PAWR: variants seen among roughly 807,000 people sequenced by gnomAD.
PAWR encodes pro-apoptotic WT1 regulator.
PAWR carries 23 observed loss-of-function variants against 32.0 expected under a neutral mutation model. The observed-to-expected ratio is 0.72, with a 90% confidence interval of 0.52 to 1.02. PAWR has a LOEUF of 1.02. Among genes scored for constraint, PAWR ranks in the 50% least tolerant of loss-of-function variants. The probability of loss-of-function intolerance (pLI) is 0.00; values close to 1 mark genes in which losing one functional copy is unlikely to be tolerated. For synonymous variants in PAWR, 226 were observed against 187.1 expected, an observed-to-expected ratio of 1.21 and a Z score of -1.70; for missense variants, 457 against 437.7, an observed-to-expected ratio of 1.04 and a Z score of -0.39.
At position 79,596,538 on chromosome 12, in the gene PAWR, C is replaced by T; in HGVS notation, c.804G>A (p.Leu268=). Reference sequence around the variant, plus strand: ...TTTCAAGATCTTCAATTTTCTTTTCCAGTGTGCTACTTGAAACCAGAGTAC... The same window carrying T: ...TTTCAAGATCTTCAATTTTCTTTTCTAGTGTGCTACTTGAAACCAGAGTAC... ...VSGTLVSSST[L]EKKIEDLEKE... is the part of the protein sequence containing the mutation. Residue 268 remains leucine, a synonymous_variant, in exon 5 of 7, where the codon CTG becomes CTA. Transcript: ENST00000328827. The T allele has an allele frequency of 1.3e-6, 2 of 1,576,274 alleles. No homozygotes were observed. The highest frequency in any genetic ancestry group is 1.8e-5 in the Admixed American group (1 of 56,012).
intron 2 of PAWR, among the ~76,000 whole-genome samples, chr12:79,647,272 GTAAAGTTAAACTT>G (rs970607504): frequency 1.4e-4 from 21 of 151,934 alleles, no homozygotes; most frequent in African/African-American, 4.8e-4. Flanking sequence ...AAATTTGGTG[GTAAAGTTAAACTT>G]TAAAGTTAAA....
At chr12:79,639,428 A>G (rs1446424270) in intron 2 of PAWR, among the ~76,000 whole-genome samples, 2 of 152,168 alleles carry the variant, frequency 1.3e-5, no homozygotes, top group African/African-American at 4.8e-5. Context: ...AGTTATGGCT[A>G]GGTTTCCACA....
At chr12:79,611,358 A>C (rs1874434766) in intron 4 of PAWR, among the ~76,000 whole-genome samples, 1 of 149,244 alleles carries the variant, frequency 6.7e-6, no homozygotes, top group Non-Finnish European at 1.5e-5. Context: ...TATATATAAA[A>C]AATAAGTTAT....
At position 79,597,269 on chromosome 12, in the gene PAWR, TG is replaced by T. The variant is rs546859657; in HGVS notation, c.684-612del. ...TTTCAGAGACGGGGTTTCACCATGT[TG>T]CCCAGGCTGGTCTCAAACTCTTGGG... is the stretch of plus-strand genomic sequence containing the variant. On this transcript the variant is annotated intron_variant, in intron 4 of 6. Transcript: ENST00000328827. Among the ~76,000 whole-genome samples, 541 of 152,178 alleles carry T rather than the reference TG, an allele frequency of 3.6e-3. 8 individuals are homozygous for T. The highest frequency in any genetic ancestry group is 1.6e-3 in the Non-Finnish European group (112 of 68,020).
Position 79,585,492 on chromosome 12 carries a change from C to T in PAWR, c.*7115G>A, listed in dbSNP as rs745639963. ...AAAAGTATATCATAACATAAAACCACAAAACTTTGGACTCAAAGACTAGCT... is the reference window on the plus strand; with the variant it reads ...AAAAGTATATCATAACATAAAACCATAAAACTTTGGACTCAAAGACTAGCT... On this transcript the variant is annotated 3_prime_UTR_variant, in exon 7 of 7. Coordinates refer to ENST00000328827, the MANE Select transcript of PAWR (RefSeq NM_002583.4). 1 of 174,448 alleles carries T rather than the reference C, an allele frequency of 5.7e-6. No individual in the cohort carries two copies. Among genetic ancestry groups the T allele is most frequent in the African/African-American group, 2.4e-5 (1 of 41,672 alleles). 10.8% of individuals were successfully genotyped at this position (174,448 alleles called of 1,614,324 possible). A position where few individuals can be genotyped will look rare whatever the true frequency, so the allele number is the denominator to read the frequency against.
chr12:79,605,848 C>T (rs906157119), intron 4 of PAWR, among the ~76,000 whole-genome samples: 2 of 152,084 alleles, frequency 1.3e-5, no homozygotes, highest in African/African-American at 4.8e-5. Flanking sequence ...CCAAGGCAGC[C>T]AGATCACTTG....
intron 4 of PAWR, among the ~76,000 whole-genome samples, chr12:79,607,773 T>G (rs1396049050): frequency 6.6e-6 from 1 of 151,474 alleles, no homozygotes; most frequent in Non-Finnish European, 1.5e-5. Context: ...ATCTGGCTGA[T>G]TTTTCTGGTT....
intron 2 of PAWR, among the ~76,000 whole-genome samples, chr12:79,636,813 A>T (rs1875981912): frequency 6.6e-6 from 1 of 152,146 alleles, no homozygotes; most frequent in Non-Finnish European, 1.5e-5. Context: ...TCCTTAAAAA[A>T]ATTTTATCTC....
At position 79,689,957 on chromosome 12, in the gene PAWR, G is replaced by A. The variant is rs1878904157; in HGVS notation, c.288C>T (p.Ala96=). The A allele has an allele frequency of 7.2e-7, 1 of 1,383,504 alleles. No individual in the cohort carries two copies. The highest frequency in any genetic ancestry group is 9.3e-7 in the Non-Finnish European group (1 of 1,076,392). 85.7% of individuals were successfully genotyped at this position (1,383,504 alleles called of 1,614,324 possible). A position where few individuals can be genotyped will look rare whatever the true frequency, so the allele number is the denominator to read the frequency against. ...GGCCGGGGGCCGCCCGCGTCAGCAT[G>A]GCGGAGCCGACCGCGCAGTTCACGC... ...PGGVNCAVGS[A]MLTRAAPGPR... is the part of the protein sequence containing the mutation. Residue 96 remains alanine (A), a synonymous_variant, in exon 2 of 7, where the codon GCC becomes GCT. Coordinates refer to ENST00000328827, the MANE Select transcript of PAWR (RefSeq NM_002583.4).
intron 3 of PAWR, 46 bp from the exon 4 acceptor site, chr12:79,613,655 A>C: frequency 1.0e-6 from 1 of 980,498 alleles, no homozygotes; most frequent in Non-Finnish European, 1.6e-6. Context: ...ATGTATGTAC[A>C]CAATTACTTA....
At chr12:79,602,276 C>G (rs186117377) in intron 4 of PAWR, among the ~76,000 whole-genome samples, 31 of 152,242 alleles carry the variant, frequency 2.0e-4, no homozygotes, top group Admixed American at 2.0e-3. Context: ...AATAAAAGTT[C>G]CAATATTTTC....
At chr12:79,603,640 T>A in intron 4 of PAWR, 1 of 151,586 alleles carries the variant, frequency 6.6e-6, no homozygotes. Flanking sequence ...CTTAGACTTG[T>A]CAATACATAA....
rs1187829185 is a variant in PAWR at position 79,690,104 on chromosome 12, G to T, written c.141C>A (p.Ser47Arg). 2 of 1,469,546 alleles carry T rather than the reference G, an allele frequency of 1.4e-6. No individual in the cohort carries two copies. Among genetic ancestry groups the T allele is most frequent in the Admixed American group, 2.6e-5 (1 of 38,916 alleles). The allele number at this position is 1,469,546 out of a possible 1,614,324, so 91.0% of individuals were successfully genotyped here. A position where few individuals can be genotyped will look rare whatever the true frequency, so the allele number is the denominator to read the frequency against. The change falls in exon 2 of 7, where the codon AGC becomes AGA. Residue 47 changes from serine (S) to arginine (R), a missense_variant. Coordinates refer to ENST00000328827, the MANE Select transcript of PAWR (RefSeq NM_002583.4). ...PGPAPPGGGS[S>R]DAAGKPPAGA... ...CCGCGGGGGGCTTCCCAGCGGCGTC[G>T]CTGCTGCCCCCTCCCGGGGGGGCCG...
intron 2 of PAWR, among the ~76,000 whole-genome samples, chr12:79,640,414 A>C (rs1253416026): frequency 6.6e-6 from 1 of 152,144 alleles, no homozygotes; most frequent in East Asian, 1.9e-4. Flanking sequence ...AACCTTTATG[A>C]CCAAGAAAGA....
chr12:79,654,310 G>C (rs980063552), intron 2 of PAWR, among the ~76,000 whole-genome samples: 4 of 152,298 alleles, frequency 2.6e-5, no homozygotes, highest in African/African-American at 9.6e-5. Flanking sequence ...ACTAAAAATA[G>C]TAACAATGAG....
At chr12:79,599,028 C>T (rs1159388126) in intron 4 of PAWR, among the ~76,000 whole-genome samples, 1 of 152,242 alleles carries the variant, frequency 6.6e-6, no homozygotes, top group Non-Finnish European at 1.5e-5. Context: ...AGCCACTGCG[C>T]CCGGCCAACT....
At chr12:79,633,508 CTGTT>C (rs1386918902) in intron 2 of PAWR, among the ~76,000 whole-genome samples, 3 of 152,072 alleles carry the variant, frequency 2.0e-5, no homozygotes, top group Non-Finnish European at 4.4e-5. Context: ...ATAAAGTCAG[CTGTT>C]TGTTTTTTTG....
chr12:79,680,584 T>C (rs1314037960), intron 2 of PAWR, among the ~76,000 whole-genome samples: 1 of 152,150 alleles, frequency 6.6e-6, no homozygotes, highest in African/African-American at 2.4e-5. Flanking sequence ...GCCCTACAGT[T>C]TTTACTGCAC....
chr12:79,666,557 C>T (rs573558174), intron 2 of PAWR, among the ~76,000 whole-genome samples: 9 of 152,250 alleles, frequency 5.9e-5, no homozygotes, highest in African/African-American at 1.2e-4. Context: ...AAGTTTCCAA[C>T]GGTTACATGA....
Sources: gnomAD v4.1 joint callset for allele counts (sites outside exome capture counted in the v4.1 genomes callset) on GRCh38, gnomAD v4.1.1 for gene constraint, MANE v1.5 for transcripts, NCBI Gene and HGNC (gene_info 2026-07-23, HGNC 2026-07-21) for gene names.